Variants in RGS5 observed in about 807,000 individuals in gnomAD.
The protein encoded by RGS5 is regulator of G-protein signalling 5.
In RGS5, 20 loss-of-function variants were observed where a neutral mutation model predicts 18.9. The ratio of observed to expected loss-of-function variants is 1.06; its 90% CI spans 0.74 to 1.54. The LOEUF (loss-of-function observed/expected upper bound fraction) is 1.54, where lower values mean the gene tolerates loss of function less well. RGS5 is among the 40% of genes most tolerant of loss of function. RGS5 has a pLI of 0.00. For missense variants in RGS5, 201 were observed against 211.8 expected (o/e 0.95, Z 0.32); for synonymous variants, 57 against 76.2 (o/e 0.75, Z 1.31).
At chr1:163,231,754 TA>T (rs59080668) in intron 2 of RGS5, among the ~76,000 whole-genome samples, 1,819 of 133,272 alleles carry the variant, frequency 0.014, 16 homozygotes, top group African/African-American at 0.036. Context: ...GTGGTAAAAT[TA>T]AAAAAAAAAA....
chr1:163,248,465 T>C (rs1360775431), intron 2 of RGS5: 1 of 152,180 alleles, frequency 6.6e-6, no homozygotes. Context: ...ATTACCCTTG[T>C]TTAAAATGAA....
intron 1 of RGS5, among the ~76,000 whole-genome samples, chr1:163,195,350 C>G (rs1254986853): frequency 1.3e-5 from 2 of 151,648 alleles, no homozygotes; most frequent in African/African-American, 4.9e-5. Flanking sequence ...TGCATGTTCT[C>G]ACTTATAAGT....
chr1:163,294,632 A>T (rs867764380), intron 2 of RGS5, among the ~76,000 whole-genome samples: 1 of 152,184 alleles, frequency 6.6e-6, no homozygotes, highest in Non-Finnish European at 1.5e-5. Flanking sequence ...TTGGCTCCTG[A>T]TTACTTATGC....
chr1:163,175,691 G>A (rs2102409421), intron 1 of RGS5, among the ~76,000 whole-genome samples: 1 of 152,286 alleles, frequency 6.6e-6, no homozygotes, highest in African/African-American at 2.4e-5. Context: ...TTCACTCATT[G>A]CTTGTGCTTT....
chr1:163,196,212 G>C (rs1659559736), intron 1 of RGS5, among the ~76,000 whole-genome samples: 1 of 152,148 alleles, frequency 6.6e-6, no homozygotes, highest in South Asian at 2.1e-4. Context: ...AACTTTAAGG[G>C]AGGAAAGAGA....
chr1:163,287,891 CTT>C (rs1304879855), intron 2 of RGS5, among the ~76,000 whole-genome samples: 1 of 152,168 alleles, frequency 6.6e-6, no homozygotes, highest in Non-Finnish European at 1.5e-5. Flanking sequence ...TCCTTACAGA[CTT>C]TTCTTCAGTT....
chr1:163,197,458 A>G (rs1332552939), intron 1 of RGS5, among the ~76,000 whole-genome samples: 1 of 152,136 alleles, frequency 6.6e-6, no homozygotes, highest in African/African-American at 2.4e-5. Context: ...CTTTATGGAT[A>G]TATTCCTTCG....
At chr1:163,162,911 C>G (rs1657867175) in intron 2 of RGS5, 1 of 152,014 alleles carries the variant, frequency 6.6e-6, no homozygotes, top group South Asian at 2.1e-4. Flanking sequence ...AACAGACTGA[C>G]AAAGCATTTA....
intron 2 of RGS5, among the ~76,000 whole-genome samples, chr1:163,223,521 T>C (rs371597183): frequency 6.6e-6 from 1 of 152,116 alleles, no homozygotes; most frequent in Admixed American, 6.5e-5. Context: ...AAATGATACA[T>C]ATTTTTCAGC....
chr1:163,177,611 T>C (rs767857233), intron 1 of RGS5, among the ~76,000 whole-genome samples: 14 of 152,102 alleles, frequency 9.2e-5, no homozygotes, highest in Non-Finnish European at 1.8e-4. Context: ...CCACATGAGG[T>C]CACCAGACTT....
chr1:163,161,817 T>C, intron 3 of RGS5, 98 bp downstream of exon 3: 1 of 899,666 alleles, frequency 1.1e-6, no homozygotes, highest in Non-Finnish European at 1.8e-6. Flanking sequence ...TGAAGAAATG[T>C]CAACATTGGG....
chr1:163,260,269 A>G (rs1321818557), intron 2 of RGS5: 1 of 152,080 alleles, frequency 6.6e-6, no homozygotes, highest in East Asian at 1.9e-4. Flanking sequence ...AGATCTTTGG[A>G]TGGTTTGCAT....
At chr1:163,178,941 A>G (rs1018388153) in intron 1 of RGS5, among the ~76,000 whole-genome samples, 3 of 152,232 alleles carry the variant, frequency 2.0e-5, no homozygotes, top group African/African-American at 7.2e-5. Context: ...CCAGATCCCT[A>G]TTCTATTACT....
At chr1:163,319,898 C>T (rs999769439) in intron 1 of RGS5, among the ~76,000 whole-genome samples, 9 of 152,134 alleles carry the variant, frequency 5.9e-5, no homozygotes, top group Non-Finnish European at 1.3e-4. Context: ...TGATGTTCCA[C>T]CTTCTACCTT....
intron 1 of RGS5, among the ~76,000 whole-genome samples, chr1:163,185,657 C>T (rs1659039198): frequency 6.6e-6 from 1 of 152,186 alleles, no homozygotes; most frequent in East Asian, 1.9e-4. Context: ...TGATGCTTTC[C>T]AGTTCCCTGT....
chr1:163,174,891 A>G (rs1396401245), intron 1 of RGS5, among the ~76,000 whole-genome samples: 1 of 152,230 alleles, frequency 6.6e-6, no homozygotes, highest in Non-Finnish European at 1.5e-5. Context: ...GTTGAGAAGC[A>G]TAAGGCAAGA....
chr1:163,223,057 C>T (rs1647264120), intron 2 of RGS5, among the ~76,000 whole-genome samples: 1 of 143,340 alleles, frequency 7.0e-6, no homozygotes, highest in Non-Finnish European at 1.5e-5. Context: ...GTTGGTCAGG[C>T]TGGTCTCAAA....
intron 2 of RGS5, chr1:163,259,989 C>T (rs892408872): frequency 6.6e-6 from 1 of 152,236 alleles, no homozygotes; most frequent in Non-Finnish European, 1.5e-5. Context: ...CAAAATAGAA[C>T]CCTGAGGGCA....
At chr1:163,254,071 T>C (rs1648198623) in intron 2 of RGS5, among the ~76,000 whole-genome samples, 1 of 150,720 alleles carries the variant, frequency 6.6e-6, no homozygotes, top group Non-Finnish European at 1.5e-5. Flanking sequence ...TTGAGTTGGT[T>C]CCAAGTCTTT....
Sources: gnomAD v4.1 joint callset for allele counts (sites outside exome capture counted in the v4.1 genomes callset) on GRCh38, gnomAD v4.1.1 for gene constraint, MANE v1.5 for transcripts, NCBI Gene and HGNC (gene_info 2026-07-23, HGNC 2026-07-21) for gene names.